The following ARMC2 variants were observed in gnomAD, a reference collection of about 807,000 sequenced individuals.
ARMC2 encodes armadillo repeat-containing protein 2.
In ARMC2, 67 loss-of-function variants were observed where a neutral mutation model predicts 90.3. That is an observed-to-expected ratio of 0.74 (90% CI 0.61 to 0.91). The LOEUF (loss-of-function observed/expected upper bound fraction) is 0.91, where lower values mean the gene tolerates loss of function less well. ARMC2 is among the 40% of genes least tolerant of loss of function. The pLI, the probability that ARMC2 is intolerant of heterozygous loss-of-function variation, is 0.00. For synonymous variants in ARMC2, 393 were observed against 393.0 expected (o/e 1.00, Z 0.00); for missense variants, 920 against 1,030.9 (o/e 0.89, Z 1.47).
intron 11 of ARMC2, among the ~76,000 whole-genome samples, chr6:108,929,410 C>G (rs764529632): frequency 5.3e-4 from 80 of 152,096 alleles, no homozygotes; most frequent in Non-Finnish European, 1.8e-4. Context: ...TTGGTTTATC[C>G]TCAGACCTGT....
chr6:108,996,420 T>G, the ARMC2 span, among the ~76,000 whole-genome samples: 1 of 152,142 alleles, frequency 6.6e-6, no homozygotes, highest in South Asian at 2.1e-4. Flanking sequence ...TGAAAAGGAT[T>G]AGGTTTCATG....
At chr6:108,859,147 T>G (rs895972145) in intron 3 of ARMC2, among the ~76,000 whole-genome samples, 9 of 152,202 alleles carry the variant, frequency 5.9e-5, no homozygotes, top group African/African-American at 1.9e-4. Context: ...GTATTATTAG[T>G]ATTTCAACCC....
At chr6:108,957,105 C>T (rs1777641815) in intron 13 of ARMC2, among the ~76,000 whole-genome samples, 1 of 152,224 alleles carries the variant, frequency 6.6e-6, no homozygotes, top group African/African-American at 2.4e-5. Context: ...GTGAAGAAAC[C>T]CTGCTCTCCT....
intron 10 of ARMC2, among the ~76,000 whole-genome samples, chr6:108,918,652 G>A (rs979935362): frequency 3.0e-4 from 46 of 152,146 alleles, no homozygotes; most frequent in Non-Finnish European, 5.6e-4. Flanking sequence ...AGTGAGGATA[G>A]CACCGCACTG....
At chr6:109,006,303 A>T in the ARMC2 span, among the ~76,000 whole-genome samples, 1 of 151,916 alleles carries the variant, frequency 6.6e-6, no homozygotes, top group Non-Finnish European at 1.5e-5. Flanking sequence ...GATTTTTTTA[A>T]TTTTTAAAAT....
At chr6:108,997,069 A>G in the ARMC2 span, among the ~76,000 whole-genome samples, 4 of 152,312 alleles carry the variant, frequency 2.6e-5, no homozygotes, top group South Asian at 8.3e-4. Context: ...TACCATTTGT[A>G]TCTGAAGAGC....
chr6:109,025,895 T>C, the ARMC2 span, among the ~76,000 whole-genome samples: 7 of 150,820 alleles, frequency 4.6e-5, no homozygotes, highest in Non-Finnish European at 8.8e-5. Context: ...ACAAAGGTAA[T>C]ATTCTAAGAC....
At chr6:108,998,759 A>AG in the ARMC2 span, 11 of 1,598,540 alleles carry the variant, frequency 6.9e-6, no homozygotes, top group Admixed American at 1.7e-5. Flanking sequence ...AAAGTCCCTT[A>AG]GGGGGAAAAA....
chr6:108,958,528 G>A (rs748555615), intron 13 of ARMC2, among the ~76,000 whole-genome samples: 42 of 152,308 alleles, frequency 2.8e-4, no homozygotes, highest in Non-Finnish European at 5.3e-4. Context: ...CGGGAGGTCA[G>A]ACAATAAGAG....
chr6:108,853,585 A>G (rs1354274831), intron 1 of ARMC2, among the ~76,000 whole-genome samples: 5 of 152,212 alleles, frequency 3.3e-5, no homozygotes, highest in Non-Finnish European at 7.4e-5. Flanking sequence ...ACACACCAAC[A>G]TTTGAGAAGG....
the ARMC2 span, among the ~76,000 whole-genome samples, chr6:109,049,693 C>T: frequency 3.3e-5 from 5 of 149,460 alleles, no homozygotes; most frequent in African/African-American, 4.9e-5. Flanking sequence ...GGAGAGGGGA[C>T]GTATATTTAT....
intron 12 of ARMC2, among the ~76,000 whole-genome samples, 196 bp downstream of exon 12, chr6:108,937,195 T>C (rs186976451): frequency 7.2e-5 from 11 of 152,276 alleles, no homozygotes; most frequent in Admixed American, 6.5e-4. Flanking sequence ...AAATGAAATG[T>C]TGATGTTCTA....
chr6:108,885,673 CA>C (rs772185235), intron 5 of ARMC2, among the ~76,000 whole-genome samples: 45 of 117,390 alleles, frequency 3.8e-4, no homozygotes, highest in Admixed American at 6.3e-4. Context: ...GACTCTGTCG[CA>C]AAAAAAAAAA....
At chr6:108,989,222 A>G in the ARMC2 span, among the ~76,000 whole-genome samples, 1,331 of 152,096 alleles carry the variant, frequency 8.8e-3, 25 homozygotes, top group African/African-American at 0.03. Flanking sequence ...AGGCTAGTCT[A>G]AAACTCCTGA....
intron 10 of ARMC2, among the ~76,000 whole-genome samples, chr6:108,925,997 A>G (rs552752981): frequency 3.3e-5 from 5 of 152,320 alleles, no homozygotes; most frequent in Admixed American, 2.6e-4. Flanking sequence ...TGAGGTGAGA[A>G]TAAGGCCTGA....
At chr6:108,979,985 A>G in the ARMC2 span, among the ~76,000 whole-genome samples, 1 of 151,762 alleles carries the variant, frequency 6.6e-6, no homozygotes, top group Non-Finnish European at 1.5e-5. Flanking sequence ...TCTGAAGCCT[A>G]TTTCTGTCAA....
In ARMC2 at chr6:108,892,526, G is replaced by A. The variant is rs145006517; in HGVS notation, c.672-1941G>A. On this transcript the variant is annotated intron_variant, in intron 5 of 17. Coordinates refer to ENST00000392644, the MANE Select transcript of ARMC2 (RefSeq NM_032131.6). The stretch of plus-strand genomic sequence containing the variant: ...TGTTATCCCAGCATTTTGGGAGGCC[G>A]AGGCAGGCGGATCACCTGAGGTTGG... 4.2e-3 allele frequency among the ~76,000 whole-genome samples: 634 copies of A among 152,070 alleles called. 3 individuals carry two copies. Among genetic ancestry groups the A allele is most frequent in the African/African-American group, 0.014 (594 of 41,472 alleles).
the ARMC2 span, among the ~76,000 whole-genome samples, chr6:109,004,622 G>A: frequency 7.9e-3 from 1,198 of 151,974 alleles, 21 homozygotes; most frequent in African/African-American, 0.028. Flanking sequence ...AGTAGAGACA[G>A]GGTTTCACCA....
At chr6:109,019,104 T>C in the ARMC2 span, among the ~76,000 whole-genome samples, 1 of 152,216 alleles carries the variant, frequency 6.6e-6, no homozygotes, top group Non-Finnish European at 1.5e-5. Flanking sequence ...TAAAACACTT[T>C]TACAGTTTTA....
Sources: allele counts gnomAD v4.1 joint callset (sites outside exome capture counted in the v4.1 genomes callset), GRCh38; gene constraint gnomAD v4.1.1; transcripts MANE v1.5; gene names NCBI Gene and HGNC (gene_info 2026-07-23, HGNC 2026-07-21).